The following CHST11 variants were observed in gnomAD, a reference collection of about 807,000 sequenced individuals.
CHST11 encodes C4S-1.
Under a neutral mutation model 30.4 loss-of-function variants are expected in CHST11, and 9 were observed. The observed-to-expected ratio is 0.30, with a 90% confidence interval of 0.18 to 0.52. The LOEUF (loss-of-function observed/expected upper bound fraction) is 0.52, where lower values mean the gene tolerates loss of function less well. Ranked by LOEUF, CHST11 falls within the 20% of genes least tolerant of loss-of-function variation. CHST11 has a pLI of 0.97. For synonymous variants in CHST11, 152 were observed against 187.8 expected (o/e 0.81, Z 1.56); for missense variants, 348 against 460.6 (o/e 0.76, Z 2.24).
At chr12:104,689,173 G>A (rs1409260752) in intron 2 of CHST11, among the ~76,000 whole-genome samples, 1 of 152,166 alleles carries the variant, frequency 6.6e-6, no homozygotes, top group Non-Finnish European at 1.5e-5. Context: ...CAAGCTGCCT[G>A]CAATGAGTAA....
At chr12:104,744,684 T>C (rs963171006) in intron 2 of CHST11, among the ~76,000 whole-genome samples, 3 of 152,138 alleles carry the variant, frequency 2.0e-5, no homozygotes, top group African/African-American at 7.2e-5. Context: ...TTCCCGTGTG[T>C]ATGTCCTGAG....
chr12:104,625,632 G>T (rs2039207494), intron 2 of CHST11, among the ~76,000 whole-genome samples: 3 of 152,080 alleles, frequency 2.0e-5, no homozygotes. Flanking sequence ...CCACTGTTAA[G>T]ACAAACAGGC....
intron 2 of CHST11, among the ~76,000 whole-genome samples, chr12:104,622,509 T>C (rs1261981547): frequency 6.6e-6 from 1 of 152,220 alleles, no homozygotes; most frequent in Non-Finnish European, 1.5e-5. Flanking sequence ...GGAGATATTA[T>C]CTTCCCATTT....
At chr12:104,747,654 G>C (rs779462743) in intron 2 of CHST11, among the ~76,000 whole-genome samples, 2 of 152,140 alleles carry the variant, frequency 1.3e-5, no homozygotes, top group African/African-American at 4.8e-5. Flanking sequence ...CATGCTGAGA[G>C]GGGTTTTGCA....
chr12:104,471,354 C>G (rs1298127973), intron 1 of CHST11, among the ~76,000 whole-genome samples: 1 of 152,150 alleles, frequency 6.6e-6, no homozygotes, highest in Non-Finnish European at 1.5e-5. Flanking sequence ...AGAAGAAAAT[C>G]CCCCTTTTTG....
intron 1 of CHST11, among the ~76,000 whole-genome samples, chr12:104,572,025 T>A (rs1435119371): frequency 6.6e-6 from 1 of 152,284 alleles, no homozygotes. Context: ...TTTATTGATT[T>A]GCATATGTTG....
intron 2 of CHST11, among the ~76,000 whole-genome samples, chr12:104,624,496 A>G (rs1442492515): frequency 6.7e-6 from 1 of 149,250 alleles, no homozygotes; most frequent in East Asian, 2.0e-4. Flanking sequence ...GAATGAATGA[A>G]TGATTTGTGC....
chr12:104,637,198 A>T (rs1453960119), intron 2 of CHST11, among the ~76,000 whole-genome samples: 2 of 148,636 alleles, frequency 1.3e-5, no homozygotes, highest in Non-Finnish European at 3.0e-5. Flanking sequence ...CCAGCTACTT[A>T]GGAGGCTGAG....
In CHST11 at chr12:104,757,504, C is replaced by A. The variant is rs1489092828; in HGVS notation, c.760C>A (p.Pro254Thr). The change falls in exon 3 of 3, where the codon CCT becomes ACT. Residue 254 changes from proline to threonine, a missense_variant. Around this residue, in one of 3 missense-constraint regions of CHST11, gnomAD observed 210 missense variants for 287.2 expected, o/e 0.73. Coordinates refer to ENST00000303694, the MANE Select transcript of CHST11 (RefSeq NM_018413.6). The surrounding 1 kb of genome is among the most constrained non-coding windows in gnomAD (Gnocchi z 6.5). ...CGACCCACACACCCAGCGGGAGGAGCCTTTCAACGAACACTGGCAAACCGT... is the reference window on the plus strand; with the variant it reads ...CGACCCACACACCCAGCGGGAGGAGACTTTCAACGAACACTGGCAAACCGT... Reference protein sequence around the residue: ...LIDPHTQREEPFNEHWQTVYS... With the variant: ...LIDPHTQREETFNEHWQTVYS... 6.2e-7 allele frequency: 1 copy of A among 1,614,142 alleles called. No homozygotes were observed. Among genetic ancestry groups the A allele is most frequent in the Admixed American group, 1.7e-5 (1 of 60,012 alleles).
intron 1 of CHST11, among the ~76,000 whole-genome samples, chr12:104,497,764 T>C (rs1366487372): frequency 6.6e-6 from 1 of 152,068 alleles, no homozygotes; most frequent in Admixed American, 6.5e-5. Flanking sequence ...GTGGGTGACA[T>C]GGACTGGAGA....
intron 2 of CHST11, among the ~76,000 whole-genome samples, chr12:104,615,192 C>T (rs1164223334): frequency 2.0e-5 from 3 of 152,236 alleles, no homozygotes. Flanking sequence ...CCTAAAATGG[C>T]CTCTTGCAAC....
chr12:104,527,061 G>A (rs554229357), intron 1 of CHST11, among the ~76,000 whole-genome samples: 112 of 152,264 alleles, frequency 7.4e-4, no homozygotes, highest in Admixed American at 1.2e-3. Flanking sequence ...ATGGTGTAAC[G>A]GGTTGAATTG....
chr12:104,599,050 G>A (rs955892937), intron 1 of CHST11, among the ~76,000 whole-genome samples: 25 of 152,150 alleles, frequency 1.6e-4, no homozygotes, highest in African/African-American at 3.4e-4. Context: ...TTCCTTTACC[G>A]TGGGAAGGAT....
intron 1 of CHST11, among the ~76,000 whole-genome samples, chr12:104,523,482 A>G (rs1303109764): frequency 6.6e-6 from 1 of 152,162 alleles, no homozygotes. Context: ...AAAGAGAAAT[A>G]TATCAGAGAA....
At chr12:104,544,997 G>A (rs140528793) in intron 1 of CHST11, among the ~76,000 whole-genome samples, 30 of 152,220 alleles carry the variant, frequency 2.0e-4, no homozygotes, top group African/African-American at 6.5e-4. Flanking sequence ...TCTGAGAAGA[G>A]GGAGGCATGC....
chr12:104,666,489 T>C (rs780141327), intron 2 of CHST11, among the ~76,000 whole-genome samples: 1 of 152,210 alleles, frequency 6.6e-6, no homozygotes, highest in Non-Finnish European at 1.5e-5. Flanking sequence ...CCAATTTCCT[T>C]CCGTTGTTCT....
At chr12:104,720,206 A>G (rs777264432) in intron 2 of CHST11, among the ~76,000 whole-genome samples, 13 of 152,254 alleles carry the variant, frequency 8.5e-5, no homozygotes, top group Non-Finnish European at 1.3e-4. Context: ...ATCAGCTGCC[A>G]TGTCTTGAGA....
chr12:104,714,651 C>T (rs946183937), intron 2 of CHST11, among the ~76,000 whole-genome samples: 82 of 152,102 alleles, frequency 5.4e-4, no homozygotes, highest in African/African-American at 1.8e-3. Flanking sequence ...ACCCTGGCAC[C>T]ACATGGGAGG....
chr12:104,745,201 C>A (rs564222076), intron 2 of CHST11, among the ~76,000 whole-genome samples: 2 of 152,248 alleles, frequency 1.3e-5, no homozygotes, highest in East Asian at 3.9e-4. Context: ...AATAGGGAAT[C>A]CTTTCCTCAT....
Sources: gnomAD v4.1 joint callset for allele counts (sites outside exome capture counted in the v4.1 genomes callset) on GRCh38, gnomAD v4.1.1 for gene constraint, gnomAD v4.1.1 regional missense constraint, Gnocchi (gnomAD v3.1) non-coding constraint, MANE v1.5 for transcripts, NCBI Gene and HGNC (gene_info 2026-07-23, HGNC 2026-07-21) for gene names.